Variants in ERBB4 observed in about 807,000 individuals in gnomAD.
The protein encoded by ERBB4 is receptor tyrosine-protein kinase erbB-4.
A neutral mutation model predicts 158.0 loss-of-function variants in ERBB4; 42 were observed. The ratio of observed to expected loss-of-function variants is 0.27; its 90% CI spans 0.21 to 0.34. The LOEUF is 0.34. Ranked by LOEUF, ERBB4 falls within the 10% of genes least tolerant of loss-of-function variation. The probability of loss-of-function intolerance (pLI) is 1.00; values close to 1 mark genes in which losing one functional copy is unlikely to be tolerated. For synonymous variants in ERBB4, 583 were observed against 558.7 expected (o/e 1.04, Z -0.61); for missense variants, 1,333 against 1,624.1 (o/e 0.82, Z 3.08).
chr2:212,381,676 A>C (rs913843400), intron 1 of ERBB4, among the ~76,000 whole-genome samples: 4 of 151,292 alleles, frequency 2.6e-5, no homozygotes, highest in African/African-American at 9.7e-5. Flanking sequence ...GACCAGAAAA[A>C]AATCAGAGCC....
intron 4 of ERBB4, among the ~76,000 whole-genome samples, chr2:211,771,298 C>T (rs1166077196): frequency 6.7e-6 from 1 of 148,610 alleles, no homozygotes; most frequent in Non-Finnish European, 1.5e-5. Flanking sequence ...TGGTCACCTT[C>T]ATGTAATATT....
intron 1 of ERBB4, among the ~76,000 whole-genome samples, chr2:212,221,047 C>G (rs749455004): frequency 2.6e-5 from 4 of 151,430 alleles, no homozygotes; most frequent in Admixed American, 6.6e-5. Context: ...CACAACCTCC[C>G]TACTTAGAGA....
intron 22 of ERBB4, among the ~76,000 whole-genome samples, chr2:211,427,600 A>G (rs1365561433): frequency 1.3e-5 from 2 of 152,150 alleles, no homozygotes; most frequent in African/African-American, 4.8e-5. Flanking sequence ...GTAATTAGCA[A>G]TCTTCTCTTT....
At chr2:211,526,396 A>C (rs1264988941) in intron 20 of ERBB4, among the ~76,000 whole-genome samples, 1 of 152,168 alleles carries the variant, frequency 6.6e-6, no homozygotes, top group African/African-American at 2.4e-5. Flanking sequence ...GTACCTCTGC[A>C]AGTCTGAAAG....
chr2:211,545,806 G>T (rs11888762), intron 20 of ERBB4, among the ~76,000 whole-genome samples: 11,493 of 152,068 alleles, frequency 0.076, 1,429 homozygotes, highest in African/African-American at 0.26. Context: ...TGTCAAGGCA[G>T]GGAGCATTGG....
chr2:211,516,739 A>G (rs140435863), intron 20 of ERBB4, among the ~76,000 whole-genome samples: 6 of 152,294 alleles, frequency 3.9e-5, no homozygotes, highest in Non-Finnish European at 8.8e-5. Flanking sequence ...GTCAGAGTGT[A>G]TATAAGGATT....
chr2:211,860,999 ATTATATAT>A (rs1274843034), intron 3 of ERBB4, among the ~76,000 whole-genome samples: 1 of 46,068 alleles, frequency 2.2e-5, no homozygotes. Context: ...AATATAATAT[ATTATATAT>A]TTATATATTT....
chr2:212,238,424 C>A (rs1021348168), intron 1 of ERBB4, among the ~76,000 whole-genome samples: 1 of 152,154 alleles, frequency 6.6e-6, no homozygotes, highest in Non-Finnish European at 1.5e-5. Flanking sequence ...CTAACCAGTC[C>A]CAGTGAGATG....
chr2:212,253,209 A>C (rs966232484), intron 1 of ERBB4, among the ~76,000 whole-genome samples: 17 of 152,140 alleles, frequency 1.1e-4, no homozygotes, highest in African/African-American at 3.4e-4. Flanking sequence ...TGTTCAATTA[A>C]AAGTTGTTAC....
Position 212,489,100 on chromosome 2 carries a change from A to T in ERBB4, c.82+49349T>A, listed in dbSNP as rs13394464. ...TTAAGTACTCTAAAGCTAAAGAAAA[A>T]AGAAAAGGCATTCAGAAGTTTAAAG... is the stretch of plus-strand genomic sequence containing the variant. On this transcript the variant is annotated intron_variant, in intron 1 of 27. Transcript: ENST00000342788. Among the ~76,000 whole-genome samples the T allele has an allele frequency of 2.8e-4, 43 of 151,606 alleles. 1 individual carries two copies. The highest frequency in any genetic ancestry group is 3.4e-3 in the Middle Eastern group (1 of 294).
intron 20 of ERBB4, among the ~76,000 whole-genome samples, chr2:211,548,716 C>T (rs182012715): frequency 2.6e-5 from 4 of 151,988 alleles, no homozygotes; most frequent in African/African-American, 9.7e-5. Context: ...TCCCCATCTC[C>T]AACACAGCAC....
At chr2:212,054,343 G>T (rs2077489268) in intron 2 of ERBB4, among the ~76,000 whole-genome samples, 2 of 152,258 alleles carry the variant, frequency 1.3e-5, no homozygotes, top group African/African-American at 4.8e-5. Flanking sequence ...TGGAACAGAT[G>T]TAGGCCACAT....
chr2:211,618,945 C>T (rs752930991), intron 19 of ERBB4, among the ~76,000 whole-genome samples: 25 of 152,030 alleles, frequency 1.6e-4, no homozygotes, highest in Non-Finnish European at 2.9e-4. Flanking sequence ...TATCTTGAAA[C>T]TCTAAAGGCA....
intron 20 of ERBB4, among the ~76,000 whole-genome samples, chr2:211,473,978 T>C (rs554999890): frequency 2.8e-4 from 42 of 152,128 alleles, no homozygotes; most frequent in Non-Finnish European, 4.1e-4. Context: ...AGCCTTTCCA[T>C]TTCGTCTCCA....
At chr2:212,184,578 T>C (rs887044921) in intron 1 of ERBB4, among the ~76,000 whole-genome samples, 3 of 152,140 alleles carry the variant, frequency 2.0e-5, no homozygotes, top group Admixed American at 1.3e-4. Context: ...TTTTGGAGCA[T>C]CTAGTAAATA....
chr2:212,391,063 G>A (rs944448338), intron 1 of ERBB4, among the ~76,000 whole-genome samples: 9 of 151,616 alleles, frequency 5.9e-5, no homozygotes, highest in Admixed American at 2.0e-4. Context: ...CTGTGTTTAC[G>A]TCTTAATAAA....
chr2:212,262,475 T>A (rs983387795), intron 1 of ERBB4, among the ~76,000 whole-genome samples: 1 of 152,090 alleles, frequency 6.6e-6, no homozygotes, highest in South Asian at 2.1e-4. Context: ...AGAAAAATCA[T>A]GAAAAGAGAG....
intron 3 of ERBB4, among the ~76,000 whole-genome samples, chr2:211,942,537 A>G (rs1324292261): frequency 6.6e-6 from 1 of 151,742 alleles, no homozygotes; most frequent in Non-Finnish European, 1.5e-5. Context: ...TTTTTCATCT[A>G]CCAGAATCCA....
chr2:211,718,333 A>G (rs539817670), intron 7 of ERBB4, among the ~76,000 whole-genome samples: 1 of 152,334 alleles, frequency 6.6e-6, no homozygotes, highest in African/African-American at 2.4e-5. Flanking sequence ...CTCTAATCCC[A>G]TGTCCCTTAC....
Sources: gnomAD v4.1 joint callset for allele counts (sites outside exome capture counted in the v4.1 genomes callset) on GRCh38, gnomAD v4.1.1 for gene constraint, MANE v1.5 for transcripts, NCBI Gene and HGNC (gene_info 2026-07-23, HGNC 2026-07-21) for gene names.